The following MAP7 variants were observed in gnomAD, a reference collection of about 807,000 sequenced individuals.
MAP7 encodes microtubule associated protein 7.
In MAP7, 52 loss-of-function variants were observed where a neutral mutation model predicts 94.8. That is an observed-to-expected ratio of 0.55 (90% CI 0.44 to 0.69). MAP7 has a LOEUF of 0.69. MAP7 is among the 30% of genes least tolerant of loss of function. The pLI is 0.00. For missense variants in MAP7, 940 were observed against 964.6 expected, an observed-to-expected ratio of 0.97 and a Z score of 0.34; for synonymous variants, 350 against 357.0, an observed-to-expected ratio of 0.98 and a Z score of 0.22.
chr6:136,467,077 T>A (rs753316610), intron 1 of MAP7, among the ~76,000 whole-genome samples: 2 of 151,864 alleles, frequency 1.3e-5, no homozygotes, highest in Non-Finnish European at 2.9e-5. Context: ...GGGCTGGGAG[T>A]AGGGGAGGCT....
In MAP7 at chr6:136,389,526, A is replaced by C; in HGVS notation, c.245-9T>G. ...CACTATTTCTCTTGCAGCTTTGGGG[A>C]GGGTTAAAAAAAAAAAAAAAGAGGG... On this transcript the variant is annotated splice_polypyrimidine_tract_variant and intron_variant, in intron 3 of 17. Coordinates refer to ENST00000354570, the MANE Select transcript of MAP7 (RefSeq NM_003980.6). The C allele has an allele frequency of 6.3e-7, 1 of 1,578,514 alleles. No individual in the cohort carries two copies. The highest frequency in any genetic ancestry group is 8.6e-7 in the Non-Finnish European group (1 of 1,165,384).
intron 1 of MAP7, among the ~76,000 whole-genome samples, chr6:136,436,627 A>C (rs1582907151): frequency 6.6e-6 from 1 of 152,228 alleles, no homozygotes; most frequent in Middle Eastern, 3.4e-3. Flanking sequence ...CCATCCACCC[A>C]TCTTGGCCTC....
chr6:136,505,877 T>C (rs1821359519), intron 1 of MAP7, among the ~76,000 whole-genome samples: 1 of 152,208 alleles, frequency 6.6e-6, no homozygotes, highest in Non-Finnish European at 1.5e-5. Flanking sequence ...ACAGTATCTT[T>C]TCCACTGTGG....
chr6:136,515,336 C>A (rs1041685395), intron 1 of MAP7, among the ~76,000 whole-genome samples: 1 of 152,182 alleles, frequency 6.6e-6, no homozygotes, highest in Admixed American at 6.5e-5. Flanking sequence ...AGCATTCAGG[C>A]TGTTTCGCTT....
chr6:136,428,577 AT>A, intron 1 of MAP7, among the ~76,000 whole-genome samples: 1 of 152,302 alleles, frequency 6.6e-6, no homozygotes, highest in Non-Finnish European at 1.5e-5. Flanking sequence ...ATTTTCTGAA[AT>A]AAAAAACCTA....
At chr6:136,391,617 T>C (rs1316125233) in intron 3 of MAP7, among the ~76,000 whole-genome samples, 2 of 151,934 alleles carry the variant, frequency 1.3e-5, no homozygotes, top group African/African-American at 4.8e-5. Context: ...TTTAAAATGC[T>C]TTATATGCAT....
Position 136,442,169 on chromosome 6 carries a change from G to A in MAP7, c.68-20370C>T, listed in dbSNP as rs539384823. On this transcript the variant is annotated intron_variant, in intron 1 of 17. Coordinates refer to ENST00000354570, the MANE Select transcript of MAP7 (RefSeq NM_003980.6). ...TGTAATTGCAGCACTTTGGGAGGAC[G>A]AGGCAGGTGGATCACTTGAGGTCAG... 2.0e-5 allele frequency among the ~76,000 whole-genome samples: 3 copies of A among 152,088 alleles called. No homozygotes were observed. The South Asian group carries it at 6.2e-4, about 32-fold the overall frequency.
intron 2 of MAP7, among the ~76,000 whole-genome samples, chr6:136,418,246 C>T (rs1158291987): frequency 3.3e-5 from 5 of 152,212 alleles, no homozygotes; most frequent in African/African-American, 7.2e-5. Context: ...GACAGAGTCT[C>T]GCTCTGTTGC....
intron 1 of MAP7, among the ~76,000 whole-genome samples, chr6:136,472,474 T>C (rs978016477): frequency 6.6e-6 from 1 of 152,236 alleles, no homozygotes; most frequent in African/African-American, 2.4e-5. Context: ...TATCCATATG[T>C]GTAAGAAACT....
Position 136,550,196 on chromosome 6 carries a change from G to A in MAP7, c.67+146C>T, listed in dbSNP as rs1479109494. The A allele has an allele frequency of 1.2e-5, 6 of 505,674 alleles. No homozygotes were observed. The highest frequency in any genetic ancestry group is 1.1e-5 in the Non-Finnish European group (4 of 357,516). 31.3% of individuals were successfully genotyped at this position (505,674 alleles called of 1,614,324 possible). The stretch of plus-strand genomic sequence containing the variant: ...GGAAGGCGCTCTCGGAGCAGGGTGC[G>A]CGGCGCGCAGGGCCGGTTGTTCCGG... On this transcript the variant is annotated intron_variant, in intron 1 of 17. Coordinates refer to ENST00000354570, the MANE Select transcript of MAP7 (RefSeq NM_003980.6). This position sits in a 1 kb window ranked among gnomAD's most constrained non-coding sequence, Gnocchi z 5.1.
chr6:136,394,230 A>G (rs1781649221), intron 3 of MAP7, among the ~76,000 whole-genome samples: 1 of 151,410 alleles, frequency 6.6e-6, no homozygotes, highest in South Asian at 2.1e-4. Flanking sequence ...TGATCCACCC[A>G]CCTCGGCCTC....
chr6:136,532,276 C>T (rs948946323), intron 1 of MAP7, among the ~76,000 whole-genome samples: 2 of 152,158 alleles, frequency 1.3e-5, no homozygotes, highest in African/African-American at 4.8e-5. Flanking sequence ...CCTCATACTA[C>T]ATGGTACTCG....
chr6:136,533,675 G>T (rs1017888127), intron 1 of MAP7, among the ~76,000 whole-genome samples: 1 of 152,156 alleles, frequency 6.6e-6, no homozygotes, highest in South Asian at 2.1e-4. Flanking sequence ...GGCTCAGGAC[G>T]TTTACAGAAG....
At chr6:136,396,527 A>G (rs1280618584) in intron 3 of MAP7, among the ~76,000 whole-genome samples, 2 of 152,028 alleles carry the variant, frequency 1.3e-5, no homozygotes, top group African/African-American at 4.8e-5. Context: ...CCTCCTTTCC[A>G]ATTTAGATGG....
chr6:136,540,207 C>T (rs1009808456), intron 1 of MAP7, among the ~76,000 whole-genome samples: 8 of 151,966 alleles, frequency 5.3e-5, no homozygotes, highest in South Asian at 2.1e-4. Context: ...TCTGGTCACA[C>T]GGAAGGGAAA....
intron 5 of MAP7, among the ~76,000 whole-genome samples, chr6:136,386,060 C>T (rs1046144300): frequency 1.3e-5 from 2 of 152,216 alleles, no homozygotes; most frequent in African/African-American, 4.8e-5. Context: ...TGTGAGCCAC[C>T]GCACCCTGCT....
chr6:136,413,160 T>C (rs1788049174), intron 2 of MAP7, among the ~76,000 whole-genome samples: 1 of 151,608 alleles, frequency 6.6e-6, no homozygotes, highest in Non-Finnish European at 1.5e-5. Context: ...AGACTCTGTC[T>C]CCAAAAAAAG....
At chr6:136,408,445 A>G (rs964133841) in intron 3 of MAP7, among the ~76,000 whole-genome samples, 4 of 152,302 alleles carry the variant, frequency 2.6e-5, no homozygotes, top group Admixed American at 2.0e-4. Context: ...AAATAGTACA[A>G]ATATGCCATA....
At chr6:136,439,162 C>A (rs1284957015) in intron 1 of MAP7, among the ~76,000 whole-genome samples, 2 of 152,110 alleles carry the variant, frequency 1.3e-5, no homozygotes, top group African/African-American at 4.8e-5. Context: ...TATGTATCTG[C>A]CAACCTATGA....
Sources: gnomAD v4.1 joint callset for allele counts (sites outside exome capture counted in the v4.1 genomes callset) on GRCh38, gnomAD v4.1.1 for gene constraint, Gnocchi (gnomAD v3.1) non-coding constraint, MANE v1.5 for transcripts, NCBI Gene and HGNC (gene_info 2026-07-23, HGNC 2026-07-21) for gene names.